Variants in CORO2B observed in about 807,000 individuals in gnomAD.
CORO2B encodes coronin-2B.
A neutral mutation model predicts 58.8 loss-of-function variants in CORO2B; 26 were observed. The ratio of observed to expected loss-of-function variants is 0.44; its 90% confidence interval spans 0.32 to 0.61. The LOEUF is 0.61. CORO2B is among the 20% of genes least tolerant of loss of function. The pLI, the probability that CORO2B is intolerant of heterozygous loss-of-function variation, is 0.04. For synonymous variants in CORO2B, 242 were observed against 253.8 expected (o/e 0.95, Z 0.44); for missense variants, 460 against 645.1 (o/e 0.71, Z 3.11).
chr15:68,658,218 C>T (rs964646019), intron 2 of CORO2B, among the ~76,000 whole-genome samples: 4 of 152,234 alleles, frequency 2.6e-5, no homozygotes, highest in African/African-American at 9.6e-5. Flanking sequence ...AGACAAAAAC[C>T]CCAGAAGCTT....
chr15:68,531,254 G>C, the CORO2B span, among the ~76,000 whole-genome samples: 3 of 152,118 alleles, frequency 2.0e-5, no homozygotes, highest in Non-Finnish European at 2.9e-5. Flanking sequence ...GCCGAGGTGG[G>C]TGGATCACCT....
At chr15:68,719,285 T>G in intron 10 of CORO2B, 51 bp downstream of exon 10, 2 of 1,598,448 alleles carry the variant, frequency 1.3e-6, no homozygotes, top group South Asian at 2.2e-5. Context: ...GCCTTTGCCT[T>G]CAGCGCAGCT....
Position 68,714,036 on chromosome 15 carries a change from G to A in CORO2B, c.760G>A (p.Asp254Asn), listed in dbSNP as rs1245569872. The A allele has an allele frequency of 6.2e-7, 1 of 1,611,204 alleles. No individual in the cohort carries two copies. The highest frequency in any genetic ancestry group is 1.3e-5 in the African/African-American group (1 of 74,846). Residue 254 changes from aspartate (D) to asparagine (N), a missense_variant, in exon 6 of 12, where the codon GAC becomes AAC. Around this residue, in one of 2 missense-constraint regions of CORO2B, gnomAD observed 352 missense variants for 543.0 expected, o/e 0.65. Transcript: ENST00000261861. ...RWNTRQIALW[D>N]QEDLSMPLIE... ...GAACACAAGACAGATTGCCCTCTGG[G>A]ACCAGGTCAGCCACGGGGAGGCCTG...
At chr15:68,554,303 C>T in the CORO2B span, among the ~76,000 whole-genome samples, 1 of 152,042 alleles carries the variant, frequency 6.6e-6, no homozygotes, top group Non-Finnish European at 1.5e-5. Flanking sequence ...AGCCTCGGGA[C>T]GTGGAGCAGG....
At chr15:68,631,531 C>T (rs1900828651) in intron 1 of CORO2B, among the ~76,000 whole-genome samples, 1 of 152,198 alleles carries the variant, frequency 6.6e-6, no homozygotes, top group South Asian at 2.1e-4. Context: ...GAACAGTGTC[C>T]TCTCTTCTTC....
At chr15:68,547,700 A>G in the CORO2B span, among the ~76,000 whole-genome samples, 14 of 152,240 alleles carry the variant, frequency 9.2e-5, no homozygotes, top group East Asian at 2.3e-3. Flanking sequence ...TCTCCTTCCT[A>G]TAGCCCTCCT....
At chr15:68,686,244 C>T (rs1405749821) in intron 2 of CORO2B, among the ~76,000 whole-genome samples, 10 of 151,714 alleles carry the variant, frequency 6.6e-5, no homozygotes, top group Admixed American at 6.6e-4. Flanking sequence ...TCACGTTGGC[C>T]AGGCTGGTCT....
At chr15:68,613,707 A>C (rs1022718168) in intron 1 of CORO2B, among the ~76,000 whole-genome samples, 2 of 152,234 alleles carry the variant, frequency 1.3e-5, no homozygotes, top group African/African-American at 4.8e-5. Flanking sequence ...CACATCGCTA[A>C]GAGTTTTTCA....
Position 68,715,319 on chromosome 15 carries a change from G to T in CORO2B, c.967+8G>T. On this transcript the variant is annotated splice_region_variant and intron_variant, in intron 8 of 11. Coordinates refer to ENST00000261861, the MANE Select transcript of CORO2B (RefSeq NM_006091.5). ...CCCCGCAGAAAGGCCTAGGTAAGTG[G>T]CCCCGAGGCTGCCACAGCTGGTGTG... 6.2e-7 allele frequency: 1 copy of T among 1,606,438 alleles called. No homozygotes were observed. The highest frequency in any genetic ancestry group is 1.1e-5 in the South Asian group (1 of 90,874).
rs150055918 is a variant in CORO2B, at chr15:68,657,212, G to A, written c.216+11852G>A. 3.3e-5 allele frequency among the ~76,000 whole-genome samples: 5 copies of A among 152,186 alleles called. No homozygotes were observed. The East Asian group carries it at 7.7e-4, about 24-fold the overall frequency. On this transcript the variant is annotated intron_variant, in intron 2 of 11. Transcript: ENST00000261861. ...AAGTATACAAAATAGGATTACGCAA[G>A]AAGCCAATTATTTTGAAACACAGGC...
At position 68,647,977 on chromosome 15, in the gene CORO2B, A is replaced by G. The variant is rs189551540; in HGVS notation, c.216+2617A>G. Reference sequence around the variant, plus strand: ...CAGGAATTGGAGGCTGCAGTGAGCTATGATCACTCCCCTGCACTCCACCCT... The same window carrying G: ...CAGGAATTGGAGGCTGCAGTGAGCTGTGATCACTCCCCTGCACTCCACCCT... On this transcript the variant is annotated intron_variant, in intron 2 of 11. Transcript: ENST00000261861. Among the ~76,000 whole-genome samples the G allele has an allele frequency of 3.3e-3, 472 of 142,076 alleles. 5 individuals are homozygous for G. The highest frequency in any genetic ancestry group is 0.012 in the African/African-American group (452 of 38,356). 93.2% of individuals were successfully genotyped at this position (142,076 alleles called of 152,430 possible). A position where few individuals can be genotyped will look rare whatever the true frequency, so the allele number is the denominator to read the frequency against.
intron 1 of CORO2B, among the ~76,000 whole-genome samples, chr15:68,629,507 G>A (rs1900770439): frequency 6.6e-6 from 1 of 152,236 alleles, no homozygotes; most frequent in Admixed American, 6.5e-5. Context: ...GCCAGACTAT[G>A]CCAGTGGTTT....
intron 1 of CORO2B, among the ~76,000 whole-genome samples, chr15:68,642,252 T>C (rs1467678194): frequency 1.3e-5 from 2 of 152,060 alleles, no homozygotes; most frequent in Non-Finnish European, 2.9e-5. Flanking sequence ...GTTAAGTGAT[T>C]TGCCCAAGTC....
chr15:68,700,572 G>C (rs1892617043), intron 3 of CORO2B, among the ~76,000 whole-genome samples: 1 of 152,168 alleles, frequency 6.6e-6, no homozygotes, highest in Admixed American at 6.5e-5. Flanking sequence ...AACATACCCA[G>C]GCCCTTCCCC....
chr15:68,527,237 T>C, the CORO2B span, among the ~76,000 whole-genome samples: 1 of 152,224 alleles, frequency 6.6e-6, no homozygotes, highest in Admixed American at 6.5e-5. Flanking sequence ...TTTGTGGTTT[T>C]TTAATTTTTC....
At chr15:68,569,803 T>G in the CORO2B span, among the ~76,000 whole-genome samples, 11 of 152,206 alleles carry the variant, frequency 7.2e-5, no homozygotes, top group African/African-American at 2.4e-4. Context: ...GCATTTGGTG[T>G]TGTCAGTGTT....
At chr15:68,619,254 G>A (rs1277972051) in intron 1 of CORO2B, among the ~76,000 whole-genome samples, 1 of 152,092 alleles carries the variant, frequency 6.6e-6, no homozygotes, top group Non-Finnish European at 1.5e-5. Context: ...TATTCATTTT[G>A]CCTTGCCTTA....
intron 1 of CORO2B, chr15:68,616,504 C>T: frequency 1.0e-6 from 1 of 982,080 alleles, no homozygotes; most frequent in South Asian, 4.7e-5. Flanking sequence ...TGCCATGCTC[C>T]ACTCCCTTAA....
At chr15:68,655,408 C>T (rs1901773132) in intron 2 of CORO2B, among the ~76,000 whole-genome samples, 1 of 152,158 alleles carries the variant, frequency 6.6e-6, no homozygotes, top group African/African-American at 2.4e-5. Flanking sequence ...TCCCCAGTGC[C>T]CCAATCCCAG....
Sources: allele counts gnomAD v4.1 joint callset (sites outside exome capture counted in the v4.1 genomes callset), GRCh38; gene constraint gnomAD v4.1.1; regional missense constraint gnomAD v4.1.1; transcripts MANE v1.5; gene names NCBI Gene and HGNC (gene_info 2026-07-23, HGNC 2026-07-21).